HSD17B12: variants seen among roughly 807,000 people sequenced by gnomAD.
The protein encoded by HSD17B12 is hydroxysteroid 17-beta dehydrogenase 12, also known as very-long-chain 3-oxoacyl-CoA reductase.
HSD17B12 carries 32 observed loss-of-function variants against 39.3 expected under a neutral mutation model. The ratio of observed to expected loss-of-function variants is 0.81; its 90% CI spans 0.61 to 1.09. The LOEUF (loss-of-function observed/expected upper bound fraction) is 1.09, where lower values mean the gene tolerates loss of function less well. HSD17B12 is among the 50% of genes least tolerant of loss of function. The pLI, the probability that HSD17B12 is intolerant of heterozygous loss-of-function variation, is 0.00. For synonymous variants in HSD17B12, 150 were observed against 146.7 expected, an observed-to-expected ratio of 1.02 and a Z score of -0.16; for missense variants, 342 against 382.9, an observed-to-expected ratio of 0.89 and a Z score of 0.89.
At chr11:43,621,158 T>C in the HSD17B12 span, among the ~76,000 whole-genome samples, 1 of 152,184 alleles carries the variant, frequency 6.6e-6, no homozygotes, top group Non-Finnish European at 1.5e-5. Flanking sequence ...CTTGTGCAAA[T>C]ACGCCTCTGG....
At chr11:43,601,953 A>C in the HSD17B12 span, among the ~76,000 whole-genome samples, 4 of 152,196 alleles carry the variant, frequency 2.6e-5, no homozygotes, top group Non-Finnish European at 5.9e-5. Context: ...GCCCCACCCC[A>C]AAATGGATTT....
intron 1 of HSD17B12, among the ~76,000 whole-genome samples, chr11:43,739,088 C>T (rs1052507226): frequency 6.6e-6 from 1 of 152,174 alleles, no homozygotes; most frequent in African/African-American, 2.4e-5. Flanking sequence ...TTACAACGAG[C>T]AGTTTCAGCA....
chr11:43,776,551 A>G (rs1950706413), intron 3 of HSD17B12, among the ~76,000 whole-genome samples: 1 of 152,060 alleles, frequency 6.6e-6, no homozygotes, highest in Non-Finnish European at 1.5e-5. Flanking sequence ...CCCGTTTTGT[A>G]GGTTGCCTGT....
intron 3 of HSD17B12, among the ~76,000 whole-genome samples, chr11:43,756,671 T>C (rs1394544967): frequency 6.6e-6 from 1 of 152,210 alleles, no homozygotes; most frequent in Non-Finnish European, 1.5e-5. Flanking sequence ...CATTTTGAAA[T>C]GCTATGATAT....
At chr11:43,843,775 T>C (rs1467224830) in intron 9 of HSD17B12, among the ~76,000 whole-genome samples, 1 of 152,180 alleles carries the variant, frequency 6.6e-6, no homozygotes, top group African/African-American at 2.4e-5. Context: ...CACATTTGGT[T>C]AGGCCTTTCT....
chr11:43,831,037 C>G lies in HSD17B12; in HGVS notation c.536+27C>G. ...TGAGTCACAAGCTCACATACAAACACTGTGGAAGCAGAGCTCATGATTATT... is the reference window on the plus strand; with the variant it reads ...TGAGTCACAAGCTCACATACAAACAGTGTGGAAGCAGAGCTCATGATTATT... On this transcript the variant is annotated intron_variant, in intron 7 of 10. Transcript: ENST00000278353. This position sits in a 1 kb window ranked among gnomAD's most constrained non-coding sequence, Gnocchi z 4.1. The G allele has an allele frequency of 6.3e-7, 1 of 1,593,606 alleles. No homozygotes were observed. Among genetic ancestry groups the G allele is most frequent in the Non-Finnish European group, 8.6e-7 (1 of 1,167,848 alleles).
At chr11:43,669,343 A>C in the HSD17B12 span, among the ~76,000 whole-genome samples, 2 of 152,094 alleles carry the variant, frequency 1.3e-5, no homozygotes, top group African/African-American at 2.4e-5. Context: ...TCTACTAAAA[A>C]TACAAAAATT....
At chr11:43,622,387 G>A in the HSD17B12 span, among the ~76,000 whole-genome samples, 1 of 151,856 alleles carries the variant, frequency 6.6e-6, no homozygotes, top group Non-Finnish European at 1.5e-5. Flanking sequence ...TTGAAGCCAG[G>A]AGTTCAAAAC....
chr11:43,843,327 G>C (rs912145934), intron 9 of HSD17B12, among the ~76,000 whole-genome samples: 3 of 152,154 alleles, frequency 2.0e-5, no homozygotes, highest in African/African-American at 7.2e-5. Context: ...CTTTGGCGGT[G>C]TTTATGCCCA....
Position 43,823,694 on chromosome 11 carries a change from G to A in HSD17B12, c.502-7282G>A, listed in dbSNP as rs1247069967. Among the ~76,000 whole-genome samples the A allele has an allele frequency of 3.9e-5, 6 of 151,980 alleles. No individual in the cohort carries two copies. In the South Asian group the frequency reaches 8.3e-4, roughly 21 times the overall value. ...TGAATCCTACCTGGGCCTCGCATAC[G>A]TAAGGTGCACAACACATTTTTTTTT... On this transcript the variant is annotated intron_variant, in intron 6 of 10. Coordinates refer to ENST00000278353, the MANE Select transcript of HSD17B12 (RefSeq NM_016142.3).
the HSD17B12 span, among the ~76,000 whole-genome samples, chr11:43,585,959 C>T: frequency 1.3e-5 from 2 of 152,156 alleles, no homozygotes; most frequent in Admixed American, 1.3e-4. Context: ...CATGCCAAAA[C>T]TGGAAAGAAC....
chr11:43,607,100 A>G, the HSD17B12 span, among the ~76,000 whole-genome samples: 29 of 152,304 alleles, frequency 1.9e-4, no homozygotes, highest in South Asian at 5.6e-3. Flanking sequence ...AGTATATATT[A>G]TTATCTTAAT....
the HSD17B12 span, among the ~76,000 whole-genome samples, chr11:43,566,575 G>A: frequency 1.3e-5 from 2 of 151,872 alleles, no homozygotes; most frequent in African/African-American, 4.8e-5. Flanking sequence ...TGTCACCCAG[G>A]CTGGAGTGCA....
At chr11:43,577,330 TG>T in the HSD17B12 span, among the ~76,000 whole-genome samples, 1 of 152,000 alleles carries the variant, frequency 6.6e-6, no homozygotes, top group Non-Finnish European at 1.5e-5. Context: ...GTGAGAGCTT[TG>T]GGGGGAAGGA....
intron 1 of HSD17B12, among the ~76,000 whole-genome samples, chr11:43,695,301 G>A (rs1384569826): frequency 1.3e-5 from 2 of 152,006 alleles, no homozygotes; most frequent in African/African-American, 2.4e-5. Flanking sequence ...TTTATTGGCC[G>A]GGCGTGGTGG....
Position 43,831,809 on chromosome 11 carries a change from G to C in HSD17B12, c.536+799G>C, listed in dbSNP as rs185692476. 1.3e-5 allele frequency among the ~76,000 whole-genome samples: 2 copies of C among 152,176 alleles called. No individual in the cohort carries two copies. The highest frequency in any genetic ancestry group is 2.4e-5 in the African/African-American group (1 of 41,442). ...CCCAGAGGAATCACAGCTTTGAAAA[G>C]GGAAGACCCAAGGACCCTACTTCTG... On this transcript the variant is annotated intron_variant, in intron 7 of 10. Coordinates refer to ENST00000278353, the MANE Select transcript of HSD17B12 (RefSeq NM_016142.3). This position sits in a 1 kb window ranked among gnomAD's most constrained non-coding sequence, Gnocchi z 4.1.
At chr11:43,777,726 T>C (rs1468995350) in intron 3 of HSD17B12, among the ~76,000 whole-genome samples, 1 of 152,188 alleles carries the variant, frequency 6.6e-6, no homozygotes, top group Non-Finnish European at 1.5e-5. Flanking sequence ...CCATTCAGTA[T>C]GATATTGGCT....
At chr11:43,686,091 T>C (rs1949796194) in intron 1 of HSD17B12, among the ~76,000 whole-genome samples, 1 of 152,240 alleles carries the variant, frequency 6.6e-6, no homozygotes, top group Non-Finnish European at 1.5e-5. Context: ...TTTCTGTTTA[T>C]CGCTCTGGCA....
At chr11:43,610,301 C>A in the HSD17B12 span, among the ~76,000 whole-genome samples, 1 of 152,158 alleles carries the variant, frequency 6.6e-6, no homozygotes, top group East Asian at 1.9e-4. Flanking sequence ...GAGTCCGAAA[C>A]AATGTTAGGC....
Sources: allele counts gnomAD v4.1 joint callset (sites outside exome capture counted in the v4.1 genomes callset), GRCh38; gene constraint gnomAD v4.1.1; non-coding constraint Gnocchi (gnomAD v3.1); transcripts MANE v1.5; gene names NCBI Gene and HGNC (gene_info 2026-07-23, HGNC 2026-07-21).